The following NRAP variants were observed in gnomAD, a reference collection of about 807,000 sequenced individuals.
NRAP encodes nebulin-related-anchoring protein.
Under a neutral mutation model 225.9 loss-of-function variants are expected in NRAP, and 189 were observed. That is an observed-to-expected ratio of 0.84 (90% CI 0.74 to 0.94). NRAP has a LOEUF of 0.94. NRAP is among the 40% of genes least tolerant of loss of function. The probability of loss-of-function intolerance (pLI) is 0.00; values close to 1 mark genes in which losing one functional copy is unlikely to be tolerated. For missense variants in NRAP, 2,176 were observed against 2,168.7 expected, an observed-to-expected ratio of 1.00 and a Z score of -0.07; for synonymous variants, 769 against 790.7, an observed-to-expected ratio of 0.97 and a Z score of 0.46.
At chr10:113,651,470 T>C (rs1173164940) in intron 7 of NRAP, among the ~76,000 whole-genome samples, 2 of 152,210 alleles carry the variant, frequency 1.3e-5, no homozygotes, top group African/African-American at 4.8e-5. Flanking sequence ...GCATTAGCTA[T>C]TTATCCTGAT....
At position 113,614,854 on chromosome 10, in the gene NRAP, A is replaced by T. The variant is rs1217378957; in HGVS notation, c.3171T>A (p.Gly1057=). ...ALPFQAAKAS[G]EIISDYKYKE... is the part of the protein sequence containing the mutation. Reference sequence around the variant, plus strand: ...GAATGCTCACATCACTTATGATTTCACCAGAAGCCTTTGCTGCTTGGAATG... The same window carrying T: ...GAATGCTCACATCACTTATGATTTCTCCAGAAGCCTTTGCTGCTTGGAATG... The change falls in exon 28 of 42, where the codon GGT becomes GGA. Residue 1057 remains glycine, a synonymous_variant. Coordinates refer to ENST00000359988, the MANE Select transcript of NRAP (RefSeq NM_198060.4). 1 of 1,602,716 alleles carries T rather than the reference A, an allele frequency of 6.2e-7. No individual in the cohort carries two copies.
intron 38 of NRAP, among the ~76,000 whole-genome samples, chr10:113,592,783 C>T (rs1846066543): frequency 6.6e-6 from 1 of 152,220 alleles, no homozygotes; most frequent in Non-Finnish European, 1.5e-5. Flanking sequence ...GATGCCATGC[C>T]TTGCACCATC....
chr10:113,595,797 A>C, intron 37 of NRAP, 70 bp from the exon 38 acceptor site: 1 of 1,060,492 alleles, frequency 9.4e-7, no homozygotes, highest in Non-Finnish European at 1.5e-6. Flanking sequence ...ATAGCAACTG[A>C]CTCCCTTTCC....
intron 3 of NRAP, among the ~76,000 whole-genome samples, chr10:113,658,085 T>C (rs577643808): frequency 8.7e-4 from 132 of 152,360 alleles, no homozygotes; most frequent in South Asian, 4.1e-3. Context: ...ACCTAATTAC[T>C]ACAGTACTGT....
chr10:113,597,263 T>C, intron 36 of NRAP, 79 bp from the exon 37 acceptor site: 1 of 857,256 alleles, frequency 1.2e-6, no homozygotes, highest in Admixed American at 1.7e-5. Context: ...CACTCCACCT[T>C]CTCAGTACCT....
intron 12 of NRAP, 56 bp downstream of exon 12, chr10:113,642,878 C>A (rs1417538955): frequency 1.1e-6 from 1 of 916,066 alleles, no homozygotes; most frequent in South Asian, 1.3e-5. Context: ...CTTAGGAGAC[C>A]TAAAGACTAA....
At position 113,612,364 on chromosome 10, in the gene NRAP, A is replaced by AT; in HGVS notation, c.3367_3368insA (p.Leu1123HisfsTer44). 1 of 1,614,212 alleles carries AT rather than the reference A, an allele frequency of 6.2e-7. No homozygotes were observed. The highest frequency in any genetic ancestry group is 8.5e-7 in the Non-Finnish European group (1 of 1,180,040). On this transcript the variant is annotated frameshift_variant, in exon 30 of 42. Transcript: ENST00000359988. LOFTEE classifies it high-confidence loss of function. ...GGTCTGAGCCTTCTTGGCATGCACC[A>AT]GGGCGGCCATGTCCAACGGCAGATG...
At chr10:113,608,334 A>C (rs1410124091) in intron 32 of NRAP, 80 bp downstream of exon 32, 6 of 841,148 alleles carry the variant, frequency 7.1e-6, no homozygotes, top group Non-Finnish European at 1.2e-5. Context: ...GCTCTTTCTC[A>C]CCCCAAACAC....
chr10:113,652,591 C>T (rs943487027), intron 6 of NRAP, among the ~76,000 whole-genome samples: 7 of 146,710 alleles, frequency 4.8e-5, no homozygotes, highest in Non-Finnish European at 4.5e-5. Flanking sequence ...TTGCAGTGAG[C>T]CAAGAATAAA....
chr10:113,656,297 C>G (rs1219958732), intron 4 of NRAP, among the ~76,000 whole-genome samples: 1 of 152,170 alleles, frequency 6.6e-6, no homozygotes, highest in East Asian at 1.9e-4. Flanking sequence ...AACTTTAAAT[C>G]TACCTATAAC....
At position 113,604,932 on chromosome 10, in the gene NRAP, G is replaced by C. The variant is rs1846860600; in HGVS notation, c.3916-12C>G. 6.2e-7 allele frequency: 1 copy of C among 1,604,784 alleles called. No homozygotes were observed. The highest frequency in any genetic ancestry group is 1.1e-5 in the South Asian group (1 of 90,422). ...TGTCTGTAGAGAAACTGCAAGAAAG[G>C]GCTGGCCGGTCAAATTCTATCTGTG... is the stretch of plus-strand genomic sequence containing the variant. On this transcript the variant is annotated splice_polypyrimidine_tract_variant and intron_variant, in intron 34 of 41. Coordinates refer to ENST00000359988, the MANE Select transcript of NRAP (RefSeq NM_198060.4).
chr10:113,606,894 C>T (rs140392084), intron 32 of NRAP, among the ~76,000 whole-genome samples: 2,456 of 151,924 alleles, frequency 0.016, 92 homozygotes, highest in African/African-American at 0.057. Flanking sequence ...GGTGAAACCT[C>T]GTCTCTACTA....
intron 25 of NRAP, among the ~76,000 whole-genome samples, chr10:113,618,883 T>C (rs567190784): frequency 1.1e-4 from 17 of 152,110 alleles, no homozygotes; most frequent in Non-Finnish European, 1.8e-4. Context: ...GAGGCGGAGG[T>C]TGCAGTAAGC....
chr10:113,634,721 C>G (rs1173146484), intron 14 of NRAP, among the ~76,000 whole-genome samples: 1 of 152,118 alleles, frequency 6.6e-6, no homozygotes, highest in Non-Finnish European at 1.5e-5. Flanking sequence ...AAAATATATG[C>G]CTGAGGTCAT....
intron 28 of NRAP, 122 bp downstream of exon 28, chr10:113,614,717 C>T (rs1847539081): frequency 1.5e-6 from 1 of 674,958 alleles, no homozygotes; most frequent in African/African-American, 1.8e-5. Context: ...ATTGCCCTGA[C>T]ACAGTCAGTT....
chr10:113,620,657 T>C lies in NRAP; in HGVS notation c.2821A>G (p.Thr941Ala). The change falls in exon 25 of 42, where the codon ACC becomes GCC. Residue 941 changes from threonine to alanine, a missense_variant. Transcript: ENST00000359988. Reference sequence around the variant, plus strand: ...GCCTGCTCCACATTTAATGACCCGGTGGCGACCCAGCCCATGCCTTTCATC... The same window carrying C: ...GCCTGCTCCACATTTAATGACCCGGCGGCGACCCAGCCCATGCCTTTCATC... Reference protein sequence around the residue: ...KWMKGMGWVATGSLNVEQAKK... With the variant: ...KWMKGMGWVAAGSLNVEQAKK... The C allele has an allele frequency of 1.2e-6, 2 of 1,612,942 alleles. No homozygotes were observed. Among genetic ancestry groups the C allele is most frequent in the Non-Finnish European group, 1.7e-6 (2 of 1,179,644 alleles).
rs2133862286 is a variant in NRAP, at chr10:113,599,197, T to G, written c.4228-1124A>C. 2.6e-5 allele frequency among the ~76,000 whole-genome samples: 4 copies of G among 152,298 alleles called. No homozygotes were observed. The Middle Eastern group carries it at 0.014, about 518-fold the overall frequency. Reference sequence around the variant, plus strand: ...TTTTTAGTTCTCTTTCATTTCAGGATTCACAGCGTTCCTCACAGCTGGCCT... The same window carrying G: ...TTTTTAGTTCTCTTTCATTTCAGGAGTCACAGCGTTCCTCACAGCTGGCCT... On this transcript the variant is annotated intron_variant, in intron 35 of 41. Transcript: ENST00000359988.
At chr10:113,653,338 A>G (rs1850101909) in intron 5 of NRAP, among the ~76,000 whole-genome samples, 2 of 152,202 alleles carry the variant, frequency 1.3e-5, no homozygotes, top group South Asian at 4.1e-4. Context: ...ACAGCTATTA[A>G]TTAATACATG....
Position 113,622,008 on chromosome 10 carries a change from A to G in NRAP, c.2630T>C (p.Met877Thr), listed in dbSNP as rs139381315. 6.2e-6 allele frequency: 10 copies of G among 1,614,080 alleles called. No homozygotes were observed. In the African/African-American group the frequency reaches 1.1e-4, roughly 17 times the overall value. Residue 877 changes from methionine to threonine, a missense_variant, in exon 24 of 42, where the codon ATG becomes ACG. By Grantham distance (81) the Met-to-Thr change is moderately conservative (BLOSUM62 -1). This residue lies in a region of NRAP where 1,708 missense variants were observed against 1,695.5 expected (regional missense o/e 1.01). Coordinates refer to ENST00000359988, the MANE Select transcript of NRAP (RefSeq NM_198060.4). ...TKSQCHVSLD[M>T]VHLVHARKAQ... Reference sequence around the variant, plus strand: ...TTTGCGGGCATGCACGAGGTGGACCATGTCCAGGGAGACGTGGCATTGGGA... The same window carrying G: ...TTTGCGGGCATGCACGAGGTGGACCGTGTCCAGGGAGACGTGGCATTGGGA...
Sources: gnomAD v4.1 joint callset for allele counts (sites outside exome capture counted in the v4.1 genomes callset) on GRCh38, gnomAD v4.1.1 for gene constraint, gnomAD v4.1.1 regional missense constraint, MANE v1.5 for transcripts, NCBI Gene and HGNC (gene_info 2026-07-23, HGNC 2026-07-21) for gene names.